The following GOLGA1 variants were observed in gnomAD, a reference collection of about 807,000 sequenced individuals.
The protein encoded by GOLGA1 is golgin A1.
GOLGA1 carries 63 observed loss-of-function variants against 119.7 expected under a neutral mutation model. That is an observed-to-expected ratio of 0.53 (90% CI 0.43 to 0.65). The LOEUF (loss-of-function observed/expected upper bound fraction) is 0.65, where lower values mean the gene tolerates loss of function less well. Among genes scored for constraint, GOLGA1 ranks in the 30% least tolerant of loss-of-function variants. The pLI is 0.00. For synonymous variants in GOLGA1, 318 were observed against 333.4 expected (o/e 0.95, Z 0.50); for missense variants, 798 against 912.8 (o/e 0.87, Z 1.62).
chr9:124,919,921 T>G (rs1286670148), intron 10 of GOLGA1, among the ~76,000 whole-genome samples: 1 of 151,976 alleles, frequency 6.6e-6, no homozygotes, highest in Non-Finnish European at 1.5e-5. Context: ...TGGGAAATAC[T>G]ACTTTATTTT....
chr9:124,938,280 T>C (rs1017045180), intron 3 of GOLGA1, among the ~76,000 whole-genome samples: 1 of 152,068 alleles, frequency 6.6e-6, no homozygotes. Flanking sequence ...CCAGACATTT[T>C]CAGAAATGAA....
rs1305393909 is a variant in GOLGA1 at position 124,878,333 on chromosome 9, TACTG to T, written c.*2193_*2196del. ...TACCAGATTTAATGAGTCAAAGAAA[TACTG>T]ACACACCAAACTAGTAAAATCCATT... On this transcript the variant is annotated 3_prime_UTR_variant, in exon 23 of 23. Coordinates refer to ENST00000373555, the MANE Select transcript of GOLGA1 (RefSeq NM_002077.4). 6.6e-5 allele frequency: 10 copies of T among 152,410 alleles called. No individual in the cohort carries two copies. The highest frequency in any genetic ancestry group is 3.9e-4 in the East Asian group (2 of 5,186). The allele number at this position is 152,410 out of a possible 1,614,324, so 9.4% of individuals were successfully genotyped here. A position where few individuals can be genotyped will look rare whatever the true frequency, so the allele number is the denominator to read the frequency against.
At position 124,925,075 on chromosome 9, in the gene GOLGA1, G is replaced by A. The variant is rs1455995125; in HGVS notation, c.432+1634C>T. ...AGCCTGGGCGACAGAGCAAGACTCCGTCTCAAAAAAAAAAAAGAAAAATTT... is the reference window on the plus strand; with the variant it reads ...AGCCTGGGCGACAGAGCAAGACTCCATCTCAAAAAAAAAAAAGAAAAATTT... On this transcript the variant is annotated intron_variant, in intron 7 of 22. Coordinates refer to ENST00000373555, the MANE Select transcript of GOLGA1 (RefSeq NM_002077.4). 6.2e-5 allele frequency among the ~76,000 whole-genome samples: 9 copies of A among 144,444 alleles called. No individual in the cohort carries two copies. In the East Asian group the frequency reaches 1.9e-3, roughly 30 times the overall value. 94.8% of individuals were successfully genotyped at this position (144,444 alleles called of 152,430 possible). A position where few individuals can be genotyped will look rare whatever the true frequency, so the allele number is the denominator to read the frequency against.
At position 124,930,473 on chromosome 9, in the gene GOLGA1, C is replaced by T. The variant is rs1041041251; in HGVS notation, c.226+843G>A. On this transcript the variant is annotated intron_variant, in intron 4 of 22. Transcript: ENST00000373555. ...GCTCTAGTGAGGACAAAATAATTAACTGGTAGTTGTGAGCTATGCTATGAA... is the reference window on the plus strand; with the variant it reads ...GCTCTAGTGAGGACAAAATAATTAATTGGTAGTTGTGAGCTATGCTATGAA... 4.6e-5 allele frequency among the ~76,000 whole-genome samples: 7 copies of T among 152,214 alleles called. No individual in the cohort carries two copies. In the South Asian group the frequency reaches 6.2e-4, roughly 14 times the overall value.
intron 16 of GOLGA1, among the ~76,000 whole-genome samples, chr9:124,889,905 G>GT (rs1184917110): frequency 6.6e-6 from 1 of 152,204 alleles, no homozygotes; most frequent in African/African-American, 2.4e-5. Context: ...TCCCAGAGGT[G>GT]TAAGTAGAAG....
chr9:124,917,985 T>G lies in GOLGA1; in HGVS notation c.843+3144A>C, dbSNP rs570982981. Among the ~76,000 whole-genome samples the G allele has an allele frequency of 5.3e-5, 8 of 152,252 alleles. No individual in the cohort carries two copies. The South Asian group carries it at 1.7e-3, about 32-fold the overall frequency. ...CTCCTGCCTCAGCCTCCCAAGTAGCTGGGATTACAGGTGTGTGCCACCATG... is the reference window on the plus strand; with the variant it reads ...CTCCTGCCTCAGCCTCCCAAGTAGCGGGGATTACAGGTGTGTGCCACCATG... On this transcript the variant is annotated intron_variant, in intron 10 of 22. Transcript: ENST00000373555.
intron 9 of GOLGA1, 63 bp from the exon 10 acceptor site, chr9:124,921,303 G>T (rs1830564962): frequency 1.1e-6 from 1 of 931,616 alleles, no homozygotes; most frequent in Non-Finnish European, 1.8e-6. Context: ...ACAGTCTTCT[G>T]CAGGAAAAAT....
chr9:124,938,844 A>G lies in GOLGA1; in HGVS notation c.-133T>C. The G allele has an allele frequency of 3.1e-6, 2 of 644,558 alleles. No individual in the cohort carries two copies. Among genetic ancestry groups the G allele is most frequent in the Non-Finnish European group, 5.2e-6 (2 of 383,364 alleles). 39.9% of individuals were successfully genotyped at this position (644,558 alleles called of 1,614,324 possible). A position where few individuals can be genotyped will look rare whatever the true frequency, so the allele number is the denominator to read the frequency against. Reference sequence around the variant, plus strand: ...CTGCATTCCCACTTAAATGTGGGCCAAGGGCTTATGGCAACACAGGATCTA... The same window carrying G: ...CTGCATTCCCACTTAAATGTGGGCCGAGGGCTTATGGCAACACAGGATCTA... On this transcript the variant is annotated 5_prime_UTR_variant, in exon 3 of 23. Transcript: ENST00000373555.
chr9:124,907,846 T>C (rs1588076967), intron 12 of GOLGA1, among the ~76,000 whole-genome samples: 1 of 152,204 alleles, frequency 6.6e-6, no homozygotes, highest in African/African-American at 2.4e-5. Context: ...CGCTCATGCA[T>C]GCTGGAGGAG....
chr9:124,892,633 A>G (rs1228437607), intron 15 of GOLGA1, among the ~76,000 whole-genome samples: 2 of 151,996 alleles, frequency 1.3e-5, no homozygotes, highest in African/African-American at 4.8e-5. Context: ...CCTATGGGTT[A>G]TTTGAAAGTG....
chr9:124,915,995 G>A (rs375670324), intron 10 of GOLGA1, among the ~76,000 whole-genome samples: 4 of 149,634 alleles, frequency 2.7e-5, no homozygotes, highest in South Asian at 2.1e-4. Context: ...CCAGCTACTC[G>A]GGATGCTGAG....
intron 12 of GOLGA1, among the ~76,000 whole-genome samples, chr9:124,907,499 G>A (rs990187127): frequency 1.2e-4 from 19 of 152,118 alleles, no homozygotes; most frequent in African/African-American, 4.6e-4. Flanking sequence ...ACTTAAGAAA[G>A]TCTATTCAAC....
chr9:124,880,845 G>A (rs1221047487), intron 22 of GOLGA1, among the ~76,000 whole-genome samples: 1 of 152,162 alleles, frequency 6.6e-6, no homozygotes, highest in Non-Finnish European at 1.5e-5. Flanking sequence ...TGGAACTGCA[G>A]GTATTTTTTC....
In GOLGA1 at chr9:124,920,602, T is replaced by C. The variant is rs918310652; in HGVS notation, c.843+527A>G. Among the ~76,000 whole-genome samples the C allele has an allele frequency of 3.3e-5, 5 of 152,144 alleles. 1 individual carries two copies. The highest frequency in any genetic ancestry group is 3.3e-4 in the Admixed American group (5 of 15,270). ...CAGCCCTGGTCATGTCAGCCACTAT[T>C]GTATTTTTCATGCTCAAGGTCCATT... On this transcript the variant is annotated intron_variant, in intron 10 of 22. Transcript: ENST00000373555.
chr9:124,892,601 C>A (rs1298616838), intron 15 of GOLGA1, among the ~76,000 whole-genome samples: 5 of 151,474 alleles, frequency 3.3e-5, no homozygotes, highest in African/African-American at 1.2e-4. Context: ...TTTAAAATTT[C>A]CATTGTGATT....
At chr9:124,922,498 CCATGATCATGCCACTGCACTCCAGCTTGG>C (rs1038709221) in intron 8 of GOLGA1, among the ~76,000 whole-genome samples, 3 of 148,688 alleles carry the variant, frequency 2.0e-5, no homozygotes, top group Admixed American at 6.8e-5. Flanking sequence ...CTGCAGTGGG[CCATGATCATGCCACTGCACTCCAGCTTGG>C]GTGACAGAGT....
chr9:124,879,496 G>C lies in GOLGA1; in HGVS notation c.*1034C>G, dbSNP rs1232759672. The C allele has an allele frequency of 6.6e-6, 1 of 151,858 alleles. No homozygotes were observed. Among genetic ancestry groups the C allele is most frequent in the Non-Finnish European group, 1.5e-5 (1 of 67,994 alleles). 9.4% of individuals were successfully genotyped at this position (151,858 alleles called of 1,614,324 possible). On this transcript the variant is annotated 3_prime_UTR_variant, in exon 23 of 23. Coordinates refer to ENST00000373555, the MANE Select transcript of GOLGA1 (RefSeq NM_002077.4). ...GGCAGACTGCCCCAGTGTCTCCATC[G>C]AGGCTGGGGGACAGCTGCTGCCCCC...
intron 19 of GOLGA1, among the ~76,000 whole-genome samples, chr9:124,886,806 G>T (rs1416585473): frequency 6.6e-6 from 1 of 152,134 alleles, no homozygotes; most frequent in Non-Finnish European, 1.5e-5. Context: ...GGAGCACCAG[G>T]GTGGGTGAGG....
intron 11 of GOLGA1, among the ~76,000 whole-genome samples, chr9:124,910,666 C>A (rs1034692039): frequency 6.6e-6 from 1 of 152,174 alleles, no homozygotes; most frequent in Admixed American, 6.5e-5. Context: ...ACCTTGCAGT[C>A]TGTTAGGAAC....
Sources: gnomAD v4.1 joint callset for allele counts (sites outside exome capture counted in the v4.1 genomes callset) on GRCh38, gnomAD v4.1.1 for gene constraint, MANE v1.5 for transcripts, NCBI Gene and HGNC (gene_info 2026-07-23, HGNC 2026-07-21) for gene names.